Variants in PUM1 observed in about 807,000 individuals in gnomAD.
The protein encoded by PUM1 is pumilio RNA binding family member 1.
A neutral mutation model predicts 131.8 loss-of-function variants in PUM1; 13 were observed. The ratio of observed to expected loss-of-function variants is 0.10; its 90% CI spans 0.06 to 0.16. The LOEUF (loss-of-function observed/expected upper bound fraction) is 0.16, where lower values mean the gene tolerates loss of function less well. PUM1 is among the 10% of genes least tolerant of loss of function. The pLI is 1.00. For missense variants in PUM1, 961 were observed against 1,512.4 expected, an observed-to-expected ratio of 0.64 and a Z score of 6.05; for synonymous variants, 509 against 556.5, an observed-to-expected ratio of 0.91 and a Z score of 1.20.
intron 14 of PUM1, among the ~76,000 whole-genome samples, chr1:30,957,939 T>C (rs1026716538): frequency 6.6e-6 from 1 of 152,258 alleles, no homozygotes; most frequent in African/African-American, 2.4e-5. Flanking sequence ...CTGATCATCT[T>C]AGTGCATGAT....
At chr1:30,944,148 ACCACGTGGGT>A (rs1481115276) in intron 18 of PUM1, among the ~76,000 whole-genome samples, 1 of 152,158 alleles carries the variant, frequency 6.6e-6, no homozygotes, top group Non-Finnish European at 1.5e-5. Flanking sequence ...ACTCCCAATA[ACCACGTGGGT>A]TGCTGTCAGT....
At chr1:31,040,952 T>C (rs747406556) in intron 2 of PUM1, among the ~76,000 whole-genome samples, 4 of 151,956 alleles carry the variant, frequency 2.6e-5, no homozygotes, top group Non-Finnish European at 5.9e-5. Flanking sequence ...GCACAGACAA[T>C]GGCTACAAAG....
At chr1:31,025,474 T>C (rs748314477) in intron 3 of PUM1, among the ~76,000 whole-genome samples, 4 of 151,836 alleles carry the variant, frequency 2.6e-5, no homozygotes, top group South Asian at 4.2e-4. Context: ...AACGAAGATA[T>C]GGTGCCTAGC....
At chr1:31,063,753 C>T (rs1644417641) in intron 1 of PUM1, among the ~76,000 whole-genome samples, 1 of 152,110 alleles carries the variant, frequency 6.6e-6, no homozygotes, top group African/African-American at 2.4e-5. Context: ...AATGTTCAAA[C>T]GAAACAATTG....
At position 31,028,844 on chromosome 1, in the gene PUM1, C is replaced by T. The variant is rs112304138; in HGVS notation, c.384G>A (p.Leu128=). The change falls in exon 3 of 22, where the codon CTG becomes CTA. Residue 128 remains leucine (L), a synonymous_variant. Transcript: ENST00000426105. ...AEHQVRSMDE[L]NHDFQALALE... ...GAGCAAGTGCTTGAAAATCATGATT[C>T]AGTTCATCCATGGAACGCACCTATT... 2 of 1,613,770 alleles carry T rather than the reference C, an allele frequency of 1.2e-6. No individual in the cohort carries two copies. The highest frequency in any genetic ancestry group is 8.5e-7 in the Non-Finnish European group (1 of 1,179,828).
intron 5 of PUM1, among the ~76,000 whole-genome samples, chr1:31,000,750 C>G (rs12079389): frequency 0.28 from 42,370 of 152,114 alleles, 7,537 homozygotes; most frequent in East Asian, 0.53. Flanking sequence ...AGTCCAAAAA[C>G]TATAACAATG....
chr1:31,020,357 C>A (rs1642977616), intron 3 of PUM1, among the ~76,000 whole-genome samples: 1 of 152,184 alleles, frequency 6.6e-6, no homozygotes, highest in African/African-American at 2.4e-5. Flanking sequence ...CTGCAATAAA[C>A]ATGCAAGCGC....
At position 30,966,071 on chromosome 1, in the gene PUM1, G is replaced by A. The variant is rs765479673; in HGVS notation, c.1997C>T (p.Ala666Val). 39 of 1,614,104 alleles carry A rather than the reference G, an allele frequency of 2.4e-5. 1 individual carries two copies. The highest frequency in any genetic ancestry group is 8.5e-7 in the Non-Finnish European group (1 of 1,180,036). The stretch of plus-strand genomic sequence containing the variant: ...TCCCAAGGATGTGTTGGCAGGCTGG[G>A]CAGAGCCCTGGGAGAAGAGGGAGCT... ...QSSSLFSQGS[A>V]QPANTSLGFG... is the part of the protein sequence containing the mutation. Residue 666 changes from alanine to valine, a missense_variant, in exon 13 of 22, where the codon GCC becomes GTC. Transcript: ENST00000426105.
chr1:30,945,994 C>T (rs1277307792), intron 17 of PUM1, among the ~76,000 whole-genome samples: 1 of 151,908 alleles, frequency 6.6e-6, no homozygotes, highest in Non-Finnish European at 1.5e-5. Context: ...CCATGTTGGC[C>T]AGGCTGTCTC....
intron 2 of PUM1, among the ~76,000 whole-genome samples, chr1:31,032,886 A>C (rs1342765936): frequency 6.6e-6 from 1 of 152,118 alleles, no homozygotes; most frequent in Non-Finnish European, 1.5e-5. Context: ...CGGGCAGATC[A>C]CCTGAGGTCA....
chr1:30,992,300 A>G, intron 7 of PUM1, 90 bp downstream of exon 7: 6 of 1,516,864 alleles, frequency 4.0e-6, no homozygotes, highest in Non-Finnish European at 5.4e-6. Flanking sequence ...AAACAATGCC[A>G]CCACCTCCCC....
rs1438042716 is a variant in PUM1, at chr1:30,987,551, T to C, written c.1158+4839A>G. Among the ~76,000 whole-genome samples the C allele has an allele frequency of 2.0e-5, 3 of 152,228 alleles. No homozygotes were observed. The East Asian group carries it at 5.8e-4, about 29-fold the overall frequency. On this transcript the variant is annotated intron_variant, in intron 7 of 21. Coordinates refer to ENST00000426105, the MANE Select transcript of PUM1 (RefSeq NM_001020658.2). ...TAAGGAAACAGGCAACTGTATAGCA[T>C]TTTGTAAAAAATAAATACTGCTCCA...
Position 30,936,855 on chromosome 1 carries a change from G to A in PUM1, c.3243-20C>T, listed in dbSNP as rs770400343. ...ACATTGCTGTAATGAGATAAAACCAGGGACAACTCTTACAAGAGAGGCCCC... is the reference window on the plus strand; with the variant it reads ...ACATTGCTGTAATGAGATAAAACCAAGGACAACTCTTACAAGAGAGGCCCC... On this transcript the variant is annotated intron_variant, in intron 20 of 21. Transcript: ENST00000426105. 4 of 1,574,868 alleles carry A rather than the reference G, an allele frequency of 2.5e-6. No individual in the cohort carries two copies. Among genetic ancestry groups the A allele is most frequent in the Admixed American group, 3.4e-5 (2 of 57,982 alleles).
chr1:30,952,252 G>C lies in PUM1; in HGVS notation c.2703C>G (p.Val901=). ...GGCTTACTTCAAAGAACTTCTGAAT[G>C]ACGTAATTACCAAACACATCCACCA... ...QLMVDVFGNY[V]IQKFFEFGSL... is the part of the protein sequence containing the mutation. Residue 901 remains valine, a synonymous_variant, in exon 16 of 22, where the codon GTC becomes GTG. Transcript: ENST00000426105. 6.2e-7 allele frequency: 1 copy of C among 1,614,054 alleles called. No homozygotes were observed. Among genetic ancestry groups the C allele is most frequent in the Non-Finnish European group, 8.5e-7 (1 of 1,179,916 alleles).
At chr1:30,968,625 C>T (rs1640727328) in intron 10 of PUM1, 133 bp from the exon 11 acceptor site, 1 of 826,872 alleles carries the variant, frequency 1.2e-6, no homozygotes, top group African/African-American at 1.8e-5. Context: ...TATGTCACAG[C>T]TGTTAGCGTA....
chr1:31,006,174 T>C (rs1642396100), intron 4 of PUM1, 143 bp from the exon 5 acceptor site: 1 of 578,968 alleles, frequency 1.7e-6, no homozygotes, highest in Non-Finnish European at 2.9e-6. Context: ...CCTCACTGTA[T>C]GATATTCAAC....
chr1:31,027,133 G>A (rs972722682), intron 3 of PUM1, among the ~76,000 whole-genome samples: 1 of 152,052 alleles, frequency 6.6e-6, no homozygotes, highest in African/African-American at 2.4e-5. Context: ...TTCTTATCTT[G>A]TATCATTAAT....
chr1:31,064,663 GT>G lies in PUM1; in HGVS notation c.-12+952del, dbSNP rs929313682. On this transcript the variant is annotated intron_variant, in intron 1 of 21. Coordinates refer to ENST00000426105, the MANE Select transcript of PUM1 (RefSeq NM_001020658.2). ...AATGGTATCGAGGGCTGAGAACAGT[GT>G]TTTCTTAATTGAACAATAAAAGGTA... is the stretch of plus-strand genomic sequence containing the variant. Among the ~76,000 whole-genome samples the G allele has an allele frequency of 1.9e-4, 28 of 148,284 alleles. No homozygotes were observed. The East Asian group carries it at 5.6e-3, about 30-fold the overall frequency.
At chr1:30,983,132 C>T (rs1421796189) in intron 7 of PUM1, among the ~76,000 whole-genome samples, 1 of 152,210 alleles carries the variant, frequency 6.6e-6, no homozygotes, top group Non-Finnish European at 1.5e-5. Context: ...GTGATTTCTG[C>T]AAGTTGGTTT....
Sources: allele counts gnomAD v4.1 joint callset (sites outside exome capture counted in the v4.1 genomes callset), GRCh38; gene constraint gnomAD v4.1.1; transcripts MANE v1.5; gene names NCBI Gene and HGNC (gene_info 2026-07-23, HGNC 2026-07-21).